Variants in DOCK10 observed in about 807,000 individuals in gnomAD.
DOCK10 encodes dedicator of cytokinesis 10, also known as dedicator of cytokinesis protein 10.
Under a neutral mutation model 280.1 loss-of-function variants are expected in DOCK10, and 145 were observed. The observed-to-expected ratio is 0.52, with a 90% CI of 0.45 to 0.59. The LOEUF is 0.59. DOCK10 is among the 20% of genes least tolerant of loss of function. The pLI, the probability that DOCK10 is intolerant of heterozygous loss-of-function variation, is 0.00. For synonymous variants in DOCK10, 915 were observed against 942.2 expected, an observed-to-expected ratio of 0.97 and a Z score of 0.53; for missense variants, 2,368 against 2,651.7, an observed-to-expected ratio of 0.89 and a Z score of 2.35.
At chr2:224,893,665 A>C (rs756832659) in intron 4 of DOCK10, 2 of 455,112 alleles carry the variant, frequency 4.4e-6, no homozygotes, top group South Asian at 3.3e-5. Context: ...TAAAAATAAA[A>C]AAAGTGAAAA....
rs1690035015 is a variant in DOCK10 at position 224,765,488 on chromosome 2, C to T, written c.*233G>A. The stretch of plus-strand genomic sequence containing the variant: ...AGGGTTTGCATTTGAGCTACACATT[C>T]ACTGGAATTTCATGGCAAATATTCA... On this transcript the variant is annotated 3_prime_UTR_variant, in exon 56 of 56. Transcript: ENST00000258390. 2.3e-6 allele frequency: 1 copy of T among 434,376 alleles called. No homozygotes were observed. Among genetic ancestry groups the T allele is most frequent in the Non-Finnish European group, 4.1e-6 (1 of 241,902 alleles). 26.9% of individuals were successfully genotyped at this position (434,376 alleles called of 1,614,324 possible).
rs928304038 is a variant in DOCK10, at chr2:225,012,650, A to G, written c.123+29602T>C. On this transcript the variant is annotated intron_variant, in intron 1 of 55. Coordinates refer to ENST00000258390, the MANE Select transcript of DOCK10 (RefSeq NM_014689.3). ...TCCCTAGAGTTAGCAAGGCATTTACAAGTTGCAAAGCATTTATCTCATTTG... is the reference window on the plus strand; with the variant it reads ...TCCCTAGAGTTAGCAAGGCATTTACGAGTTGCAAAGCATTTATCTCATTTG... Among the ~76,000 whole-genome samples the G allele has an allele frequency of 4.5e-4, 69 of 152,348 alleles. 1 individual carries two copies. Among genetic ancestry groups the G allele is most frequent in the African/African-American group, 1.6e-3 (66 of 41,600 alleles).
At chr2:225,023,855 A>G (rs1052582300) in intron 1 of DOCK10, among the ~76,000 whole-genome samples, 80 of 152,358 alleles carry the variant, frequency 5.3e-4, no homozygotes, top group African/African-American at 1.8e-3. Context: ...CAAAGGTATA[A>G]AAAGCAGCGG....
intron 39 of DOCK10, among the ~76,000 whole-genome samples, chr2:224,802,461 A>G (rs1693079232): frequency 6.6e-6 from 1 of 152,182 alleles, no homozygotes; most frequent in South Asian, 2.1e-4. Flanking sequence ...CAGGTTCTAA[A>G]ACAACTCTTG....
At chr2:225,036,973 A>T (rs1168326211) in intron 1 of DOCK10, among the ~76,000 whole-genome samples, 6 of 151,290 alleles carry the variant, frequency 4.0e-5, no homozygotes, top group Admixed American at 4.0e-4. Flanking sequence ...TCTCACATGC[A>T]TCTTTGTAAG....
chr2:224,770,407 A>G lies in DOCK10; in HGVS notation c.6306-58T>C. ...AGCCCTCGGAAGTGGCATTGAGCTCAGTGACTGTGAGTTCAGAGTCAGGCT... is the reference window on the plus strand; with the variant it reads ...AGCCCTCGGAAGTGGCATTGAGCTCGGTGACTGTGAGTTCAGAGTCAGGCT... On this transcript the variant is annotated intron_variant, in intron 54 of 55. Coordinates refer to ENST00000258390, the MANE Select transcript of DOCK10 (RefSeq NM_014689.3). The surrounding 1 kb of genome is among the most constrained non-coding windows in gnomAD (Gnocchi z 4.5). 1 of 1,560,948 alleles carries G rather than the reference A, an allele frequency of 6.4e-7. No homozygotes were observed. Among genetic ancestry groups the G allele is most frequent in the Non-Finnish European group, 8.7e-7 (1 of 1,151,954 alleles).
At chr2:225,030,372 A>G (rs1230603575) in intron 1 of DOCK10, among the ~76,000 whole-genome samples, 3 of 152,166 alleles carry the variant, frequency 2.0e-5, no homozygotes, top group African/African-American at 7.2e-5. Context: ...GTGATTTAGT[A>G]AGGGTTTTTT....
At position 224,970,148 on chromosome 2, in the gene DOCK10, TC is replaced by T. The variant is rs1705003128; in HGVS notation, c.124-38481del. On this transcript the variant is annotated intron_variant, in intron 1 of 55. Coordinates refer to ENST00000258390, the MANE Select transcript of DOCK10 (RefSeq NM_014689.3). This position sits in a 1 kb window ranked among gnomAD's most constrained non-coding sequence, Gnocchi z 4.6. Reference sequence around the variant, plus strand: ...GGGTAGTCATGTGTGTCAAAACGTCTCCCCAGAATTAATCCAATCTAATAAA... The same window carrying T: ...GGGTAGTCATGTGTGTCAAAACGTCTCCCAGAATTAATCCAATCTAATAAA... Among the ~76,000 whole-genome samples the T allele has an allele frequency of 2.0e-5, 3 of 152,210 alleles. No individual in the cohort carries two copies. Among genetic ancestry groups the T allele is most frequent in the African/African-American group, 7.2e-5 (3 of 41,462 alleles).
intron 3 of DOCK10, among the ~76,000 whole-genome samples, chr2:224,902,821 C>T (rs898009018): frequency 5.9e-5 from 9 of 151,918 alleles, no homozygotes; most frequent in Non-Finnish European, 8.8e-5. Context: ...TGGCTGGGCG[C>T]GGTGGCTCAC....
intron 1 of DOCK10, among the ~76,000 whole-genome samples, chr2:224,984,542 T>C (rs1348664574): frequency 6.6e-6 from 1 of 152,208 alleles, no homozygotes; most frequent in Non-Finnish European, 1.5e-5. Flanking sequence ...CTCTCTCTGT[T>C]AGCCTCTGTT....
At position 224,872,310 on chromosome 2, in the gene DOCK10, A is replaced by G. The variant is rs528797244; in HGVS notation, c.1257+1686T>C. ...ACTTTGTACCAAGCAATGTCTGAGT[A>G]CCTTTGATATGGTACCATGTGTAAC... On this transcript the variant is annotated intron_variant, in intron 11 of 55. Coordinates refer to ENST00000258390, the MANE Select transcript of DOCK10 (RefSeq NM_014689.3). Among the ~76,000 whole-genome samples the G allele has an allele frequency of 5.9e-5, 9 of 152,362 alleles. No homozygotes were observed. The East Asian group carries it at 1.7e-3, about 29-fold the overall frequency.
At position 224,856,839 on chromosome 2, in the gene DOCK10, G is replaced by T. The variant is rs747533380; in HGVS notation, c.1808+21C>A. On this transcript the variant is annotated intron_variant, in intron 15 of 55. Transcript: ENST00000258390. ...AACATGGCTGATTTATGTTAATTTC[G>T]AGAGTATAAAAAAAACATACCTTCT... 3.2e-6 allele frequency: 5 copies of T among 1,582,148 alleles called. No homozygotes were observed. The South Asian group carries it at 4.6e-5, about 15-fold the overall frequency.
rs1694154865 is a variant in DOCK10 at position 224,816,700 on chromosome 2, T to C, written c.3281A>G (p.Tyr1094Cys). ...SSGDLKTLCQ[Y>C]KFDFLQEVCQ... ...TACTTCTTGAAGAAAATCAAATTTATACTGGCACAAGGTCTGAAAGAGAGG... is the reference window on the plus strand; with the variant it reads ...TACTTCTTGAAGAAAATCAAATTTACACTGGCACAAGGTCTGAAAGAGAGG... The change falls in exon 30 of 56, where the codon TAT (tyrosine) becomes TGT (cysteine). Residue 1094 changes from tyrosine to cysteine, a missense_variant. Around this residue, in one of 2 missense-constraint regions of DOCK10, gnomAD observed 1,159 missense variants for 1,400.8 expected, o/e 0.83. Coordinates refer to ENST00000258390, the MANE Select transcript of DOCK10 (RefSeq NM_014689.3). 6.3e-7 allele frequency: 1 copy of C among 1,597,154 alleles called. No homozygotes were observed. The highest frequency in any genetic ancestry group is 2.2e-5 in the East Asian group (1 of 44,694).
chr2:224,864,505 A>G (rs1697734856), intron 13 of DOCK10, 48 bp downstream of exon 13: 9 of 1,468,968 alleles, frequency 6.1e-6, no homozygotes, highest in Non-Finnish European at 7.3e-6. Context: ...GAGAGACTCT[A>G]TTAAAAAAAA....
At position 224,874,743 on chromosome 2, in the gene DOCK10, C is replaced by T. The variant is rs1698515852; in HGVS notation, c.940G>A (p.Asp314Asn). 6.2e-7 allele frequency: 1 copy of T among 1,613,508 alleles called. No homozygotes were observed. Among genetic ancestry groups the T allele is most frequent in the Non-Finnish European group, 8.5e-7 (1 of 1,179,614 alleles). Reference protein sequence around the residue: ...ELTDLGLDSLDNSVTCECTPE... With the variant: ...ELTDLGLDSLNNSVTCECTPE... ...GTGCATTCACAAGTTACAGAATTAT[C>T]CAGCGAATCTTAAAAAGATATACCA... The change falls in exon 9 of 56, where the codon GAT becomes AAT. Residue 314 changes from aspartate (D) to asparagine (N), a missense_variant. Asp to Asn is a conservative substitution (Grantham distance 23, BLOSUM62 1). Transcript: ENST00000258390.
chr2:224,787,908 C>T (rs1691846042), intron 48 of DOCK10, among the ~76,000 whole-genome samples: 1 of 152,148 alleles, frequency 6.6e-6, no homozygotes, highest in Non-Finnish European at 1.5e-5. Context: ...TGACTTTGCA[C>T]CTTGGCCATA....
chr2:225,017,626 T>C (rs916634434), intron 1 of DOCK10, among the ~76,000 whole-genome samples: 1 of 151,752 alleles, frequency 6.6e-6, no homozygotes, highest in Non-Finnish European at 1.5e-5. Flanking sequence ...TTAGTAATTT[T>C]TTCTGCTTTG....
At chr2:224,797,239 T>A in intron 42 of DOCK10, 93 bp from the exon 43 acceptor site, 30 of 872,806 alleles carry the variant, frequency 3.4e-5, no homozygotes, top group Non-Finnish European at 4.5e-5. Flanking sequence ...ACAAAATCCC[T>A]CTCCTTTTTT....
At chr2:224,965,844 G>A (rs1444775460) in intron 1 of DOCK10, among the ~76,000 whole-genome samples, 3 of 152,188 alleles carry the variant, frequency 2.0e-5, no homozygotes, top group Non-Finnish European at 2.9e-5. Flanking sequence ...AGGAAGAGTC[G>A]GAAGGCATTA....
Sources: gnomAD v4.1 joint callset for allele counts (sites outside exome capture counted in the v4.1 genomes callset) on GRCh38, gnomAD v4.1.1 for gene constraint, gnomAD v4.1.1 regional missense constraint, Gnocchi (gnomAD v3.1) non-coding constraint, MANE v1.5 for transcripts, NCBI Gene and HGNC (gene_info 2026-07-23, HGNC 2026-07-21) for gene names.